The following GALNT13 variants were observed in gnomAD, a reference collection of about 807,000 sequenced individuals.
The protein encoded by GALNT13 is UDP-GalNAc:polypeptide N-acetylgalactosaminyltransferase 13.
A neutral mutation model predicts 64.2 loss-of-function variants in GALNT13; 28 were observed. The observed-to-expected ratio is 0.44, with a 90% CI of 0.32 to 0.60. GALNT13 has a LOEUF of 0.60. GALNT13 is among the 20% of genes least tolerant of loss of function. The pLI, the probability that GALNT13 is intolerant of heterozygous loss-of-function variation, is 0.05. For synonymous variants in GALNT13, 214 were observed against 224.6 expected, an observed-to-expected ratio of 0.95 and a Z score of 0.42; for missense variants, 577 against 669.8, an observed-to-expected ratio of 0.86 and a Z score of 1.53.
At chr2:153,677,977 A>T in the GALNT13 span, among the ~76,000 whole-genome samples, 1 of 152,024 alleles carries the variant, frequency 6.6e-6, no homozygotes, top group Non-Finnish European at 1.5e-5. Flanking sequence ...CCCAGCAAAG[A>T]TTTAATGACA....
At chr2:154,430,990 A>G (rs940854619) in intron 11 of GALNT13, among the ~76,000 whole-genome samples, 2 of 152,228 alleles carry the variant, frequency 1.3e-5, no homozygotes, top group Non-Finnish European at 2.9e-5. Flanking sequence ...TGGTGTAAAC[A>G]TAACTCCTAT....
chr2:153,430,457 T>A, the GALNT13 span, among the ~76,000 whole-genome samples: 1 of 151,854 alleles, frequency 6.6e-6, no homozygotes, highest in Non-Finnish European at 1.5e-5. Context: ...TCTTTTAAGA[T>A]TTTCATTAAT....
At chr2:153,161,480 A>G in the GALNT13 span, among the ~76,000 whole-genome samples, 1 of 152,234 alleles carries the variant, frequency 6.6e-6, no homozygotes, top group African/African-American at 2.4e-5. Flanking sequence ...TGTGTAAAAC[A>G]TAGATCAAAG....
the GALNT13 span, among the ~76,000 whole-genome samples, chr2:153,324,537 A>C: frequency 5.9e-5 from 9 of 152,208 alleles, no homozygotes; most frequent in Non-Finnish European, 1.0e-4. Flanking sequence ...TATGTTGAAT[A>C]GGAGTGGTGA....
At chr2:154,024,425 G>A (rs112300656) in intron 3 of GALNT13, among the ~76,000 whole-genome samples, 13,176 of 151,740 alleles carry the variant, frequency 0.087, 1,010 homozygotes, top group African/African-American at 0.2. Flanking sequence ...TTCCCTTCTC[G>A]CTTCATTTCA....
the GALNT13 span, among the ~76,000 whole-genome samples, chr2:153,540,167 C>A: frequency 6.6e-6 from 1 of 152,198 alleles, no homozygotes; most frequent in Admixed American, 6.5e-5. Flanking sequence ...CTGTGTGCAG[C>A]CTAGAGACTT....
the GALNT13 span, among the ~76,000 whole-genome samples, chr2:153,674,261 A>G: frequency 6.6e-6 from 1 of 152,232 alleles, no homozygotes; most frequent in Non-Finnish European, 1.5e-5. Flanking sequence ...CTAAGCAAAA[A>G]GAACAAAGCT....
At chr2:153,253,611 T>G in the GALNT13 span, among the ~76,000 whole-genome samples, 1 of 150,710 alleles carries the variant, frequency 6.6e-6, no homozygotes, top group African/African-American at 2.5e-5. Context: ...GGGTCTGTCA[T>G]AGATAGCTCT....
chr2:154,368,828 G>C (rs1697517664), intron 9 of GALNT13, among the ~76,000 whole-genome samples: 1 of 152,082 alleles, frequency 6.6e-6, no homozygotes, highest in Admixed American at 6.5e-5. Flanking sequence ...ATAACTTTTT[G>C]GTAACTGGTA....
chr2:153,696,699 A>T, the GALNT13 span, among the ~76,000 whole-genome samples: 8 of 152,212 alleles, frequency 5.3e-5, no homozygotes, highest in African/African-American at 1.9e-4. Context: ...TTTGGACTGC[A>T]GTTGACCATG....
At chr2:153,385,605 T>A in the GALNT13 span, among the ~76,000 whole-genome samples, 1 of 151,942 alleles carries the variant, frequency 6.6e-6, no homozygotes, top group Non-Finnish European at 1.5e-5. Flanking sequence ...TAGAAATAAT[T>A]AACAAGAATT....
intron 3 of GALNT13, among the ~76,000 whole-genome samples, chr2:154,004,826 C>A (rs902193873): frequency 1.3e-5 from 2 of 152,144 alleles, no homozygotes; most frequent in African/African-American, 2.4e-5. Flanking sequence ...AATCTTTACA[C>A]AATGCTAAAC....
chr2:154,021,128 G>A (rs1231562840), intron 3 of GALNT13, among the ~76,000 whole-genome samples: 2 of 152,146 alleles, frequency 1.3e-5, no homozygotes, highest in South Asian at 4.1e-4. Flanking sequence ...TTGAAGTCAG[G>A]TAGCGTGATG....
chr2:153,399,234 A>T, the GALNT13 span, among the ~76,000 whole-genome samples: 3 of 150,860 alleles, frequency 2.0e-5, no homozygotes, highest in Non-Finnish European at 3.0e-5. Flanking sequence ...AGATAGTTGT[A>T]GATATGCGGC....
At chr2:153,856,176 T>C in the GALNT13 span, among the ~76,000 whole-genome samples, 1 of 152,246 alleles carries the variant, frequency 6.6e-6, no homozygotes, top group East Asian at 1.9e-4. Flanking sequence ...TTTGAATATA[T>C]TAAAAACTAT....
At position 154,172,384 on chromosome 2, in the gene GALNT13, G is replaced by T. The variant is rs535253466; in HGVS notation, c.311+31879G>T. 4.6e-5 allele frequency among the ~76,000 whole-genome samples: 7 copies of T among 151,830 alleles called. No individual in the cohort carries two copies. In the East Asian group the frequency reaches 1.4e-3, roughly 29 times the overall value. On this transcript the variant is annotated intron_variant, in intron 4 of 12. Coordinates refer to ENST00000392825, the MANE Select transcript of GALNT13 (RefSeq NM_052917.4). ...TCCCTACTAATGTATCTAACATTGGGTGTTATTCCTTCTATCATACTGCTT... is the reference window on the plus strand; with the variant it reads ...TCCCTACTAATGTATCTAACATTGGTTGTTATTCCTTCTATCATACTGCTT...
intron 9 of GALNT13, among the ~76,000 whole-genome samples, chr2:154,389,890 T>C (rs1559129179): frequency 6.6e-6 from 1 of 152,050 alleles, no homozygotes; most frequent in Non-Finnish European, 1.5e-5. Context: ...AAGCAGTTGG[T>C]TGGTTTAGGC....
At chr2:153,130,536 G>A in the GALNT13 span, among the ~76,000 whole-genome samples, 1 of 152,094 alleles carries the variant, frequency 6.6e-6, no homozygotes, top group East Asian at 1.9e-4. Context: ...CAATCTGCTT[G>A]CCTTCCCCCT....
chr2:153,561,277 A>G, the GALNT13 span, among the ~76,000 whole-genome samples: 16 of 151,922 alleles, frequency 1.1e-4, no homozygotes, highest in Admixed American at 5.9e-4. Context: ...ATATAAATAT[A>G]CAGGTTGACT....
Sources: allele counts gnomAD v4.1 joint callset (sites outside exome capture counted in the v4.1 genomes callset), GRCh38; gene constraint gnomAD v4.1.1; transcripts MANE v1.5; gene names NCBI Gene and HGNC (gene_info 2026-07-23, HGNC 2026-07-21).